Variants in DENND1A observed in about 807,000 individuals in gnomAD.
DENND1A encodes DENN domain containing 1A.
DENND1A carries 51 observed loss-of-function variants against 113.7 expected under a neutral mutation model. That is an observed-to-expected ratio of 0.45 (90% CI 0.36 to 0.57). The LOEUF (loss-of-function observed/expected upper bound fraction) is 0.57. Ranked by LOEUF, DENND1A falls within the 20% of genes least tolerant of loss-of-function variation. The pLI is 0.00. For synonymous variants in DENND1A, 565 were observed against 570.8 expected (o/e 0.99, Z 0.14); for missense variants, 1,258 against 1,395.9 (o/e 0.90, Z 1.57).
chr9:123,396,615 A>C (rs1037204833), intron 21 of DENND1A, among the ~76,000 whole-genome samples: 1 of 152,246 alleles, frequency 6.6e-6, no homozygotes, highest in Non-Finnish European at 1.5e-5. Flanking sequence ...TGCTTCTGGC[A>C]GCTTCTTCTG....
intron 2 of DENND1A, among the ~76,000 whole-genome samples, chr9:123,823,215 T>C (rs1838774534): frequency 6.6e-6 from 1 of 152,156 alleles, no homozygotes. Flanking sequence ...CAGCATGCTT[T>C]ATAAAAATAC....
intron 11 of DENND1A, among the ~76,000 whole-genome samples, chr9:123,584,305 G>A (rs2059060448): frequency 1.3e-5 from 2 of 152,374 alleles, no homozygotes; most frequent in South Asian, 2.1e-4. Context: ...TGTGGTCACT[G>A]CATATAAAGG....
intron 21 of DENND1A, chr9:123,401,654 A>G: frequency 6.8e-7 from 1 of 1,469,248 alleles, no homozygotes; most frequent in Non-Finnish European, 9.0e-7. Flanking sequence ...AACAGGGCAT[A>G]TTAAACAAAC....
At chr9:123,795,924 C>G (rs925416441) in intron 2 of DENND1A, among the ~76,000 whole-genome samples, 1 of 152,042 alleles carries the variant, frequency 6.6e-6, no homozygotes, top group Non-Finnish European at 1.5e-5. Flanking sequence ...AAGCTTTTAC[C>G]CAAGAATTGT....
chr9:123,929,442 C>G (rs1857629575), intron 1 of DENND1A, among the ~76,000 whole-genome samples: 1 of 152,220 alleles, frequency 6.6e-6, no homozygotes, highest in Non-Finnish European at 1.5e-5. Flanking sequence ...CTCTAAGAAC[C>G]TCACGCGACT....
In DENND1A at chr9:123,858,787, T is replaced by C. The variant is rs558465345; in HGVS notation, c.88+20164A>G. 5.3e-5 allele frequency among the ~76,000 whole-genome samples: 8 copies of C among 152,256 alleles called. No homozygotes were observed. The East Asian group carries it at 1.5e-3, about 29-fold the overall frequency. The stretch of plus-strand genomic sequence containing the variant: ...ACTGAGATCTTACTTGGAGAATTTA[T>C]CATCCACCACATTCCATAAACAATT... On this transcript the variant is annotated intron_variant, in intron 2 of 23. Transcript: ENST00000394215.
chr9:123,743,892 T>C (rs573869511), intron 5 of DENND1A, among the ~76,000 whole-genome samples: 74 of 152,126 alleles, frequency 4.9e-4, no homozygotes, highest in African/African-American at 1.6e-3. Context: ...TAGTAAGGGG[T>C]AGAATCAAAA....
chr9:123,665,136 A>G (rs1233697860), intron 8 of DENND1A, among the ~76,000 whole-genome samples: 1 of 152,184 alleles, frequency 6.6e-6, no homozygotes. Context: ...CACAGGCTCA[A>G]AGTATAGCAT....
At chr9:123,634,383 A>G (rs997967291) in intron 9 of DENND1A, among the ~76,000 whole-genome samples, 3 of 152,270 alleles carry the variant, frequency 2.0e-5, no homozygotes, top group African/African-American at 7.2e-5. Flanking sequence ...ACTAAATGAC[A>G]TAAACTATGT....
Position 123,520,958 on chromosome 9 carries a change from C to T in DENND1A, c.993+36612G>A, listed in dbSNP as rs1374691205. Reference sequence around the variant, plus strand: ...TGTCTGGTTTTTGTTTCTTTTCCCTCTCACCTTTTTACTGTACAAACTACA... The same window carrying T: ...TGTCTGGTTTTTGTTTCTTTTCCCTTTCACCTTTTTACTGTACAAACTACA... On this transcript the variant is annotated intron_variant, in intron 13 of 23. Transcript: ENST00000394215. Among the ~76,000 whole-genome samples, 3 of 152,212 alleles carry T rather than the reference C, an allele frequency of 2.0e-5. No individual in the cohort carries two copies. In the East Asian group the frequency reaches 5.8e-4, roughly 29 times the overall value.
intron 12 of DENND1A, among the ~76,000 whole-genome samples, chr9:123,560,823 G>A (rs10513427): frequency 0.036 from 5,507 of 152,044 alleles, 368 homozygotes; most frequent in African/African-American, 0.13. Flanking sequence ...CTCAACATCC[G>A]GGTATCTATA....
intron 5 of DENND1A, among the ~76,000 whole-genome samples, chr9:123,695,452 A>G (rs1170861272): frequency 2.0e-5 from 3 of 152,120 alleles, no homozygotes; most frequent in Non-Finnish European, 4.4e-5. Context: ...TAAGAACACT[A>G]TAGATTCTAA....
At chr9:123,397,299 T>C (rs2043184237) in intron 21 of DENND1A, among the ~76,000 whole-genome samples, 1 of 152,110 alleles carries the variant, frequency 6.6e-6, no homozygotes. Context: ...AGATTATAAG[T>C]GTGTGCAACC....
In DENND1A at chr9:123,743,886, A is replaced by AAGGGGTAG. The variant is rs1448842292; in HGVS notation, c.302+13809_302+13816dup. Among the ~76,000 whole-genome samples the AAGGGGTAG allele has an allele frequency of 2.6e-5, 4 of 152,284 alleles. No homozygotes were observed. The East Asian group carries it at 7.7e-4, about 29-fold the overall frequency. ...GACATGTTTTGGCCTTAGATCTAGT[A>AAGGGGTAG]AGGGGTAGAATCAAAATTTGAACAC... On this transcript the variant is annotated intron_variant, in intron 5 of 23. Transcript: ENST00000394215.
chr9:123,524,080 C>T (rs765903151), intron 13 of DENND1A, among the ~76,000 whole-genome samples: 8 of 152,160 alleles, frequency 5.3e-5, no homozygotes, highest in South Asian at 2.1e-4. Context: ...GAAAAATACA[C>T]GTAACCCAGG....
At chr9:123,403,581 C>CAAAAAAAAA in intron 20 of DENND1A, 91 bp from the exon 21 acceptor site, 3 of 1,202,378 alleles carry the variant, frequency 2.5e-6, no homozygotes, top group Admixed American at 4.1e-5. Flanking sequence ...ACGGCCCCCC[C>CAAAAAAAAA]AAAAAACGTT....
At chr9:123,446,967 C>T (rs1034758173) in intron 18 of DENND1A, among the ~76,000 whole-genome samples, 1 of 152,226 alleles carries the variant, frequency 6.6e-6, no homozygotes, top group Non-Finnish European at 1.5e-5. Flanking sequence ...GACATCCCTA[C>T]GTGCCTATCT....
intron 5 of DENND1A, among the ~76,000 whole-genome samples, chr9:123,693,748 G>A (rs2065318417): frequency 6.6e-6 from 1 of 151,546 alleles, no homozygotes; most frequent in Admixed American, 6.6e-5. Flanking sequence ...GTATAGGAAT[G>A]TCTTCAGTCC....
intron 2 of DENND1A, among the ~76,000 whole-genome samples, chr9:123,797,548 G>A (rs1336541609): frequency 2.6e-5 from 4 of 151,996 alleles, no homozygotes; most frequent in East Asian, 1.9e-4. Flanking sequence ...TAAGATGACC[G>A]CAAACTGGAC....
Sources: allele counts gnomAD v4.1 joint callset (sites outside exome capture counted in the v4.1 genomes callset), GRCh38; gene constraint gnomAD v4.1.1; transcripts MANE v1.5; gene names NCBI Gene and HGNC (gene_info 2026-07-23, HGNC 2026-07-21).